MAML3: variants seen among roughly 807,000 people sequenced by gnomAD.
MAML3 encodes the protein mastermind-like protein 3.
In MAML3, 27 loss-of-function variants were observed where a neutral mutation model predicts 101.9. The ratio of observed to expected loss-of-function variants is 0.27; its 90% CI spans 0.20 to 0.37. The LOEUF is 0.37. Ranked by LOEUF, MAML3 falls within the 10% of genes least tolerant of loss-of-function variation. The pLI is 1.00. For synonymous variants in MAML3, 501 were observed against 555.9 expected (o/e 0.90, Z 1.39); for missense variants, 1,316 against 1,444.9 (o/e 0.91, Z 1.45).
intron 1 of MAML3, among the ~76,000 whole-genome samples, chr4:139,992,418 G>A (rs1734696818): frequency 1.3e-5 from 2 of 152,052 alleles, no homozygotes; most frequent in Non-Finnish European, 2.9e-5. Flanking sequence ...GTTTAAAGAC[G>A]TTGTCACTTT....
intron 1 of MAML3, among the ~76,000 whole-genome samples, chr4:140,064,855 T>A (rs149228327): frequency 6.6e-6 from 1 of 152,210 alleles, no homozygotes; most frequent in African/African-American, 2.4e-5. Context: ...GGGAGACTTA[T>A]AAGTTTTGTT....
At chr4:139,978,752 G>A (rs913515216) in intron 1 of MAML3, among the ~76,000 whole-genome samples, 1 of 151,948 alleles carries the variant, frequency 6.6e-6, no homozygotes, top group East Asian at 1.9e-4. Context: ...ATCTGTCTTG[G>A]TGTCTCTCTT....
At chr4:139,871,327 G>A (rs1732003008) in intron 2 of MAML3, among the ~76,000 whole-genome samples, 1 of 151,978 alleles carries the variant, frequency 6.6e-6, no homozygotes, top group South Asian at 2.1e-4. Flanking sequence ...AACAACTTTT[G>A]GTCAATTCAG....
intron 1 of MAML3, among the ~76,000 whole-genome samples, chr4:140,083,247 G>T (rs1275208680): frequency 6.6e-6 from 1 of 152,128 alleles, no homozygotes; most frequent in African/African-American, 2.4e-5. Context: ...CATCTTTGTG[G>T]CATCTGTAAA....
intron 1 of MAML3, among the ~76,000 whole-genome samples, chr4:140,088,354 C>G (rs1727992333): frequency 6.6e-6 from 1 of 152,126 alleles, no homozygotes. Context: ...CAGACAAACC[C>G]CAATTTCTCC....
chr4:140,076,147 A>T (rs1395668152), intron 1 of MAML3, among the ~76,000 whole-genome samples: 1 of 151,932 alleles, frequency 6.6e-6, no homozygotes, highest in Admixed American at 6.6e-5. Flanking sequence ...TATTAAAGGC[A>T]TGAGCCACCA....
intron 1 of MAML3, among the ~76,000 whole-genome samples, chr4:140,123,108 T>G (rs1329829717): frequency 6.7e-6 from 1 of 149,748 alleles, no homozygotes; most frequent in Admixed American, 6.6e-5. Flanking sequence ...TTTTTTTTTT[T>G]GCTCTGTAGC....
intron 1 of MAML3, among the ~76,000 whole-genome samples, chr4:139,942,336 T>C (rs1435855678): frequency 2.0e-5 from 3 of 152,182 alleles, no homozygotes; most frequent in Non-Finnish European, 2.9e-5. Context: ...TACAGCGTCA[T>C]GTCATTAAGG....
In MAML3 at chr4:139,889,746, T is replaced by A. The variant is rs1455380404; in HGVS notation, c.1690A>T (p.Thr564Ser). 7 of 1,614,058 alleles carry A rather than the reference T, an allele frequency of 4.3e-6. No homozygotes were observed. The highest frequency in any genetic ancestry group is 5.9e-6 in the Non-Finnish European group (7 of 1,179,894). ...VPPMANNLQKTTMNNYLPQNH... is the reference protein window; with the variant it reads ...VPPMANNLQKSTMNNYLPQNH... ...TGAGGGAGGTAGTTATTCATTGTTG[T>A]CTTCTGCAGGTTGTTTGCCATTGGA... The change falls in exon 2 of 5, where the codon ACA (threonine) becomes TCA (serine). Residue 564 changes from threonine (T) to serine (S), a missense_variant. Physicochemically the swap from Thr to Ser is moderately conservative, Grantham distance 58 (BLOSUM62 1). Coordinates refer to ENST00000509479, the MANE Select transcript of MAML3 (RefSeq NM_018717.5).
rs1728117404 is a variant in MAML3, at chr4:139,719,165, G to A, written c.*158C>T. 1 of 775,692 alleles carries A rather than the reference G, an allele frequency of 1.3e-6. No individual in the cohort carries two copies. Among genetic ancestry groups the A allele is most frequent in the Admixed American group, 3.2e-5 (1 of 31,302 alleles). 48.1% of individuals were successfully genotyped at this position (775,692 alleles called of 1,614,324 possible). ...AGGTGAAATGAGGCCTGGTGGGGCT[G>A]TGGATTGGCACCTGGATCTTCCATT... is the stretch of plus-strand genomic sequence containing the variant. On this transcript the variant is annotated 3_prime_UTR_variant, in exon 5 of 5. Coordinates refer to ENST00000509479, the MANE Select transcript of MAML3 (RefSeq NM_018717.5).
At chr4:140,145,551 T>TTTTTG (rs370089585) in intron 1 of MAML3, among the ~76,000 whole-genome samples, 1,518 of 131,192 alleles carry the variant, frequency 0.012, 30 homozygotes, top group African/African-American at 0.037. Flanking sequence ...TTTTGAGATT[T>TTTTTG]TTTTGTTTTG....
chr4:139,780,605 C>A (rs945962735), intron 2 of MAML3, among the ~76,000 whole-genome samples: 66 of 150,650 alleles, frequency 4.4e-4, no homozygotes, highest in Middle Eastern at 3.4e-3. Flanking sequence ...ATGGGTCGCC[C>A]ATTTCTTTCT....
intron 1 of MAML3, among the ~76,000 whole-genome samples, chr4:139,977,040 C>A (rs984506317): frequency 6.6e-6 from 1 of 152,048 alleles, no homozygotes; most frequent in East Asian, 1.9e-4. Context: ...AAGGGCAGAG[C>A]CTCATGAATG....
At chr4:139,877,926 A>C (rs1412419887) in intron 2 of MAML3, among the ~76,000 whole-genome samples, 1 of 152,122 alleles carries the variant, frequency 6.6e-6, no homozygotes, top group Non-Finnish European at 1.5e-5. Context: ...TATTTGATTC[A>C]TTTCCTTTTA....
At chr4:140,150,254 A>C (rs1256607628) in intron 1 of MAML3, among the ~76,000 whole-genome samples, 1 of 152,216 alleles carries the variant, frequency 6.6e-6, no homozygotes, top group Non-Finnish European at 1.5e-5. Context: ...TGTCTATTGA[A>C]GCAAGCATTA....
At chr4:139,948,795 A>G (rs1464207299) in intron 1 of MAML3, among the ~76,000 whole-genome samples, 1 of 152,192 alleles carries the variant, frequency 6.6e-6, no homozygotes, top group African/African-American at 2.4e-5. Flanking sequence ...TATTAATACA[A>G]TTAAACCTCA....
At chr4:139,734,324 C>T (rs761030002) in intron 2 of MAML3, among the ~76,000 whole-genome samples, 4 of 152,190 alleles carry the variant, frequency 2.6e-5, no homozygotes, top group African/African-American at 9.7e-5. Context: ...TTTCGTCATG[C>T]GAGATGTAAT....
chr4:139,868,902 C>G (rs1235651471), intron 2 of MAML3, among the ~76,000 whole-genome samples: 1 of 152,200 alleles, frequency 6.6e-6, no homozygotes, highest in Admixed American at 6.5e-5. Flanking sequence ...ACAGTAAAAG[C>G]TCACAGGAAA....
At chr4:140,129,016 G>A (rs752624179) in intron 1 of MAML3, among the ~76,000 whole-genome samples, 1 of 151,954 alleles carries the variant, frequency 6.6e-6, no homozygotes. Context: ...ACAGCCTCAG[G>A]AGCAATAATG....
Sources: gnomAD v4.1 joint callset for allele counts (sites outside exome capture counted in the v4.1 genomes callset) on GRCh38, gnomAD v4.1.1 for gene constraint, MANE v1.5 for transcripts, NCBI Gene and HGNC (gene_info 2026-07-23, HGNC 2026-07-21) for gene names.